The following CYLD variants were observed in gnomAD, a reference collection of about 807,000 sequenced individuals.
CYLD encodes CYLD lysine 63 deubiquitinase.
A neutral mutation model predicts 104.5 loss-of-function variants in CYLD; 26 were observed. That is an observed-to-expected ratio of 0.25 (90% CI 0.18 to 0.35). The LOEUF (loss-of-function observed/expected upper bound fraction) is 0.35. Among genes scored for constraint, CYLD ranks in the 10% least tolerant of loss-of-function variants. The pLI, the probability that CYLD is intolerant of heterozygous loss-of-function variation, is 1.00. For missense variants in CYLD, 703 were observed against 1,136.1 expected, an observed-to-expected ratio of 0.62 and a Z score of 5.48; for synonymous variants, 385 against 399.9, an observed-to-expected ratio of 0.96 and a Z score of 0.45.
chr16:50,778,317 ATTGAGTGCTTATGATT>A (rs1969887218), intron 8 of CYLD: 2 of 163,214 alleles, frequency 1.2e-5, no homozygotes, highest in Non-Finnish European at 2.7e-5. Context: ...ACAAATATTT[ATTGAGTGCTTATGATT>A]GCCAGGCATT....
intron 11 of CYLD, among the ~76,000 whole-genome samples, chr16:50,782,743 T>G (rs1970350169): frequency 6.6e-6 from 1 of 152,160 alleles, no homozygotes; most frequent in South Asian, 2.1e-4. Context: ...CTGGGAAATC[T>G]TTGTGCATGT....
At chr16:50,767,067 A>G (rs1412336625) in intron 5 of CYLD, among the ~76,000 whole-genome samples, 1 of 152,220 alleles carries the variant, frequency 6.6e-6, no homozygotes, top group Non-Finnish European at 1.5e-5. Context: ...GAAATCTTTT[A>G]TGAAAGAAAG....
chr16:50,768,589 A>G (rs1968774354), intron 5 of CYLD, among the ~76,000 whole-genome samples: 1 of 152,186 alleles, frequency 6.6e-6, no homozygotes, highest in Admixed American at 6.5e-5. Context: ...CTGTTATAAA[A>G]TTGTTTCTCT....
At chr16:50,743,211 T>C (rs1228033520) in intron 2 of CYLD, among the ~76,000 whole-genome samples, 1 of 152,194 alleles carries the variant, frequency 6.6e-6, no homozygotes, top group African/African-American at 2.4e-5. Flanking sequence ...TTGTTCATTT[T>C]GCAATCATTG....
At position 50,781,254 on chromosome 16, in the gene CYLD, G is replaced by A. The variant is rs751558934; in HGVS notation, c.1527G>A (p.Glu509=). 2 of 1,613,942 alleles carry A rather than the reference G, an allele frequency of 1.2e-6. No homozygotes were observed. Among genetic ancestry groups the A allele is most frequent in the African/African-American group, 2.7e-5 (2 of 75,034 alleles). ...EVLAGLELED[E]CAGCTDGTFR... ...AAGCATTTCTTTTTCAGGAAGATGAGTGTGCAGGCTGTACGGATGGAACCT... is the reference window on the plus strand; with the variant it reads ...AAGCATTTCTTTTTCAGGAAGATGAATGTGCAGGCTGTACGGATGGAACCT... Residue 509 remains glutamate, a synonymous_variant, in exon 10 of 19, where the codon GAG becomes GAA. Coordinates refer to ENST00000427738, the MANE Select transcript of CYLD (RefSeq NM_001378743.1).
At chr16:50,788,348 G>A (rs1971060074) in intron 14 of CYLD, among the ~76,000 whole-genome samples, 3 of 152,262 alleles carry the variant, frequency 2.0e-5, no homozygotes, top group South Asian at 4.1e-4. Flanking sequence ...TTAATGAAAT[G>A]TTCTAAATGA....
In CYLD at chr16:50,800,337, G is replaced by A. The variant is rs1972370460; in HGVS notation, c.*3829G>A. The A allele has an allele frequency of 1.3e-5, 3 of 233,244 alleles. No individual in the cohort carries two copies. The Admixed American group carries it at 1.7e-4, about 13-fold the overall frequency. The allele number at this position is 233,244 out of a possible 1,614,324, so 14.4% of individuals were successfully genotyped here. On this transcript the variant is annotated 3_prime_UTR_variant, in exon 19 of 19. Transcript: ENST00000427738. ...AATCTGCTAACTGGAAGATCTCAAA[G>A]CTTCCTTCACTTTTTGTGATTTTGT... is the stretch of plus-strand genomic sequence containing the variant.
rs1972238592 is a variant in CYLD, at chr16:50,798,621, A to G, written c.*2113A>G. ...GACTGGATTTAACAGTTGGAAAAAA[A>G]AAAAAAAAAGGAGAGAGAAGACAGT... On this transcript the variant is annotated 3_prime_UTR_variant, in exon 19 of 19. Transcript: ENST00000427738. 1.3e-5 allele frequency: 3 copies of G among 233,126 alleles called. No homozygotes were observed. Among genetic ancestry groups the G allele is most frequent in the Non-Finnish European group, 2.5e-5 (3 of 118,006 alleles). 14.4% of individuals were successfully genotyped at this position (233,126 alleles called of 1,614,324 possible). A position where few individuals can be genotyped will look rare whatever the true frequency, so the allele number is the denominator to read the frequency against.
chr16:50,792,834 G>T, intron 16 of CYLD, 129 bp downstream of exon 16: 1 of 586,840 alleles, frequency 1.7e-6, no homozygotes, highest in Non-Finnish European at 3.1e-6. Context: ...TGAAGAGCCT[G>T]GAAATATGAA....
chr16:50,754,631 C>A (rs1231097581), intron 5 of CYLD, among the ~76,000 whole-genome samples: 1 of 150,770 alleles, frequency 6.6e-6, no homozygotes, highest in African/African-American at 2.4e-5. Flanking sequence ...TGCCACCCCC[C>A]ATTCTTTCCC....
intron 5 of CYLD, among the ~76,000 whole-genome samples, chr16:50,755,415 A>G (rs1295636427): frequency 6.6e-6 from 1 of 152,182 alleles, no homozygotes; most frequent in Non-Finnish European, 1.5e-5. Context: ...TTGCTGGATC[A>G]AACGCTAGAG....
At chr16:50,750,363 T>C (rs1966520261) in intron 3 of CYLD, among the ~76,000 whole-genome samples, 161 bp downstream of exon 3, 1 of 152,220 alleles carries the variant, frequency 6.6e-6, no homozygotes, top group Non-Finnish European at 1.5e-5. Context: ...GAATCCATGT[T>C]GTGGTTGAAT....
chr16:50,764,786 T>C (rs776689741), intron 5 of CYLD, among the ~76,000 whole-genome samples: 18 of 152,180 alleles, frequency 1.2e-4, no homozygotes, highest in Non-Finnish European at 2.2e-4. Context: ...TGGCCTCTAA[T>C]GCATGGAGAC....
In CYLD at chr16:50,793,531, C is replaced by T. The variant is rs201103123; in HGVS notation, c.2351-15C>T. ...TAAAGTCCTCTTAACTTCCCTTCCC[C>T]TTCTCACATTTCAGCTCCCAGACAG... On this transcript the variant is annotated splice_polypyrimidine_tract_variant and intron_variant, in intron 16 of 18. Transcript: ENST00000427738. The T allele has an allele frequency of 6.9e-5, 107 of 1,540,366 alleles. No individual in the cohort carries two copies. In the African/African-American group the frequency reaches 1.3e-3, roughly 18 times the overall value.
chr16:50,796,579 T>G lies in CYLD; in HGVS notation c.*71T>G. On this transcript the variant is annotated 3_prime_UTR_variant, in exon 19 of 19. Coordinates refer to ENST00000427738, the MANE Select transcript of CYLD (RefSeq NM_001378743.1). The stretch of plus-strand genomic sequence containing the variant: ...CGTTGCATCTTATTCGAGCTGGCAG[T>G]TCTGTTCACGTCCATTGCCGGCAAT... 6.7e-7 allele frequency: 1 copy of G among 1,503,208 alleles called. No homozygotes were observed. The highest frequency in any genetic ancestry group is 1.1e-5 in the South Asian group (1 of 88,542). 93.1% of individuals were successfully genotyped at this position (1,503,208 alleles called of 1,614,324 possible). A position where few individuals can be genotyped will look rare whatever the true frequency, so the allele number is the denominator to read the frequency against.
intron 3 of CYLD, among the ~76,000 whole-genome samples, 154 bp downstream of exon 3, chr16:50,750,356 TCC>T (rs1040659068): frequency 3.9e-5 from 6 of 152,228 alleles, no homozygotes; most frequent in Admixed American, 6.5e-5. Flanking sequence ...TGCTGATGAA[TCC>T]ATGTTGTGGT....
chr16:50,779,846 G>A lies in CYLD; in HGVS notation c.1320G>A (p.Leu440=). The change falls in exon 9 of 19, where the codon CTG becomes CTA. Residue 440 remains leucine, a synonymous_variant. Coordinates refer to ENST00000427738, the MANE Select transcript of CYLD (RefSeq NM_001378743.1). The stretch of plus-strand genomic sequence containing the variant: ...GTATTGGCCACAGTCCACTTTCTCT[G>A]TCAGCCCAGTCTGTAATGGAAGAGC... ...NGSIGHSPLS[L]SAQSVMEELN... 3 of 1,613,698 alleles carry A rather than the reference G, an allele frequency of 1.9e-6. No individual in the cohort carries two copies. The highest frequency in any genetic ancestry group is 2.5e-6 in the Non-Finnish European group (3 of 1,179,968).
intron 5 of CYLD, among the ~76,000 whole-genome samples, chr16:50,769,591 C>T (rs1000835963): frequency 6.6e-6 from 1 of 152,166 alleles, no homozygotes; most frequent in South Asian, 2.1e-4. Context: ...TGCTTTACAG[C>T]ATTTCAGATT....
At chr16:50,787,111 T>A in intron 13 of CYLD, 165 bp downstream of exon 13, 1 of 659,194 alleles carries the variant, frequency 1.5e-6, no homozygotes, top group Non-Finnish European at 2.7e-6. Context: ...ATTCTTCCTC[T>A]CTTCTAAAAG....
Sources: gnomAD v4.1 joint callset for allele counts (sites outside exome capture counted in the v4.1 genomes callset) on GRCh38, gnomAD v4.1.1 for gene constraint, MANE v1.5 for transcripts, NCBI Gene and HGNC (gene_info 2026-07-23, HGNC 2026-07-21) for gene names.